The following TNS3 variants were observed in gnomAD, a reference collection of about 807,000 sequenced individuals.
TNS3 encodes the protein tensin 3, also known as tensin-3.
Under a neutral mutation model 140.9 loss-of-function variants are expected in TNS3, and 45 were observed. The observed-to-expected ratio is 0.32, with a 90% CI of 0.25 to 0.41. The LOEUF is 0.41. Among genes scored for constraint, TNS3 ranks in the 10% least tolerant of loss-of-function variants. The probability of loss-of-function intolerance (pLI) is 1.00; values close to 1 mark genes in which losing one functional copy is unlikely to be tolerated. For synonymous variants in TNS3, 815 were observed against 788.4 expected (o/e 1.03, Z -0.56); for missense variants, 1,716 against 1,906.7 (o/e 0.90, Z 1.86).
At chr7:47,518,360 A>AT (rs1401695365) in intron 2 of TNS3, among the ~76,000 whole-genome samples, 1 of 151,896 alleles carries the variant, frequency 6.6e-6, no homozygotes, top group Admixed American at 6.6e-5. Context: ...GCTCTTATCT[A>AT]TTTGCTGTTC....
chr7:47,405,581 T>A (rs1428514194), intron 13 of TNS3: 1 of 702,814 alleles, frequency 1.4e-6, no homozygotes, highest in Non-Finnish European at 2.6e-6. Context: ...GAAAGGTGGG[T>A]AAATATTGGC....
chr7:47,529,508 T>G (rs903843632), intron 1 of TNS3, among the ~76,000 whole-genome samples: 1 of 152,246 alleles, frequency 6.6e-6, no homozygotes, highest in Non-Finnish European at 1.5e-5. Context: ...GTAATCCACA[T>G]ACACTTCTAG....
intron 16 of TNS3, 182 bp downstream of exon 16, chr7:47,396,618 T>G (rs1792845641): frequency 1.6e-6 from 1 of 617,416 alleles, no homozygotes; most frequent in Admixed American, 2.7e-5. Flanking sequence ...TCACCATGCC[T>G]TATTCTCACG....
chr7:47,509,974 G>A (rs1159644687), intron 2 of TNS3, among the ~76,000 whole-genome samples: 1 of 152,228 alleles, frequency 6.6e-6, no homozygotes, highest in Non-Finnish European at 1.5e-5. Flanking sequence ...ACTAACACGA[G>A]TAACAGGCAG....
intron 2 of TNS3, among the ~76,000 whole-genome samples, chr7:47,524,808 CAAGAAAAAAAAAAAA>C (rs1294324177): frequency 2.0e-4 from 5 of 25,266 alleles, no homozygotes; most frequent in Non-Finnish European, 2.9e-4. Context: ...GACTCCGTCT[CAAGAAAAAAAAAAAA>C]AAAAAAAAAA....
intron 1 of TNS3, among the ~76,000 whole-genome samples, chr7:47,550,467 C>G (rs1800031835): frequency 6.6e-6 from 1 of 152,210 alleles, no homozygotes; most frequent in Non-Finnish European, 1.5e-5. Context: ...CCTTCCCAAC[C>G]TCATGTAAGC....
intron 16 of TNS3, among the ~76,000 whole-genome samples, chr7:47,391,480 C>T (rs1322847665): frequency 6.6e-6 from 1 of 152,142 alleles, no homozygotes; most frequent in African/African-American, 2.4e-5. Context: ...CATCCAATTA[C>T]AACAGGCCAC....
At position 47,352,840 on chromosome 7, in the gene TNS3, C is replaced by T. The variant is rs115716953; in HGVS notation, c.2282-6484G>A. Among the ~76,000 whole-genome samples, 370 of 152,284 alleles carry T rather than the reference C, an allele frequency of 2.4e-3. 1 individual carries two copies. Among genetic ancestry groups the T allele is most frequent in the African/African-American group, 8.5e-3 (353 of 41,568 alleles). On this transcript the variant is annotated intron_variant, in intron 17 of 30. Coordinates refer to ENST00000311160, the MANE Select transcript of TNS3 (RefSeq NM_022748.12). ...GTGACTCCATGGCAGTGGTGACTTGCGCTGGGTCTCGAGTGTGCACACAGA... is the reference window on the plus strand; with the variant it reads ...GTGACTCCATGGCAGTGGTGACTTGTGCTGGGTCTCGAGTGTGCACACAGA...
intron 3 of TNS3, among the ~76,000 whole-genome samples, chr7:47,504,056 A>AGAAAG (rs1169224952): frequency 6.6e-6 from 1 of 152,172 alleles, no homozygotes; most frequent in Non-Finnish European, 1.5e-5. Flanking sequence ...TCAAGACCAT[A>AGAAAG]GCAAGGGGGA....
chr7:47,411,852 G>T, intron 12 of TNS3, 50 bp from the exon 13 acceptor site: 2 of 1,570,754 alleles, frequency 1.3e-6, no homozygotes, highest in Non-Finnish European at 1.7e-6. Flanking sequence ...ATGATTTTGT[G>T]GGAAGAATAC....
Position 47,344,962 on chromosome 7 carries a change from G to A in TNS3, c.2528C>T (p.Ser843Leu), listed in dbSNP as rs1789246046. The change falls in exon 19 of 31, where the codon TCA becomes TTA. Residue 843 changes from serine (S) to leucine (L), a missense_variant. Physicochemically the swap from Ser to Leu is moderately radical, Grantham distance 145 (BLOSUM62 -2). Around this residue, in one of 3 missense-constraint regions of TNS3, gnomAD observed 1,163 missense variants for 1,182.1 expected, o/e 0.98. Coordinates refer to ENST00000311160, the MANE Select transcript of TNS3 (RefSeq NM_022748.12). ...TGGAGACACAGGAAATGCTGGAGTT[G>A]AACACATGGACTCCTTGCTACTTAA... ...RILSSKESMC[S>L]TPAFPVSPET... 1.2e-6 allele frequency: 2 copies of A among 1,614,204 alleles called. No homozygotes were observed. Among genetic ancestry groups the A allele is most frequent in the East Asian group, 2.2e-5 (1 of 44,886 alleles).
chr7:47,283,788 T>G lies in TNS3; in HGVS notation c.4006A>C (p.Ile1336Leu). Residue 1336 changes from isoleucine to leucine, a missense_variant, in exon 28 of 31, where the codon ATC (isoleucine) becomes CTC (leucine). This residue lies in a region of TNS3 where 216 missense variants were observed against 295.7 expected (regional missense o/e 0.73). Transcript: ENST00000311160. ...GGTGGAGGCTCCTGGACCAGGGTGA[T>G]GCTCAGGGCCTTCTGGATCGCCTGG... ...GHQAIQKALS[I>L]TLVQEPPPVS... The G allele has an allele frequency of 6.2e-7, 1 of 1,612,774 alleles. No individual in the cohort carries two copies. The highest frequency in any genetic ancestry group is 1.1e-5 in the South Asian group (1 of 90,862).
chr7:47,474,895 AAC>A lies in TNS3; in HGVS notation c.-76+6206_-76+6207del, dbSNP rs201425474. On this transcript the variant is annotated intron_variant, in intron 4 of 30. Transcript: ENST00000311160. ...ACTTCACACACAACACACACACCGC[AAC>A]ACACACAAAAAAAAACACCTCACAC... Among the ~76,000 whole-genome samples, 21 of 148,394 alleles carry A rather than the reference AAC, an allele frequency of 1.4e-4. 1 individual carries two copies. The highest frequency in any genetic ancestry group is 4.5e-4 in the African/African-American group (18 of 40,142).
In TNS3 at chr7:47,303,670, C is replaced by T. The variant is rs141919280; in HGVS notation, c.2823-86G>A. 1.9e-4 allele frequency: 272 copies of T among 1,453,270 alleles called. No homozygotes were observed. In the African/African-American group the frequency reaches 3.6e-3, roughly 19 times the overall value. The allele number at this position is 1,453,270 out of a possible 1,614,324, so 90.0% of individuals were successfully genotyped here. ...AGCAAGCGTCACCCACACGGGAAGACAGGGATGGGGAAGTGGGTGCTGAGG... is the reference window on the plus strand; with the variant it reads ...AGCAAGCGTCACCCACACGGGAAGATAGGGATGGGGAAGTGGGTGCTGAGG... On this transcript the variant is annotated intron_variant, in intron 21 of 30. Transcript: ENST00000311160.
At chr7:47,323,465 G>T (rs1191338384) in intron 20 of TNS3, among the ~76,000 whole-genome samples, 1 of 152,218 alleles carries the variant, frequency 6.6e-6, no homozygotes. Context: ...GTAGGGAATG[G>T]CCAAAGGAAA....
intron 3 of TNS3, among the ~76,000 whole-genome samples, chr7:47,498,548 T>G (rs1450217875): frequency 2.0e-5 from 3 of 152,248 alleles, no homozygotes; most frequent in Non-Finnish European, 4.4e-5. Context: ...AAACTGATGA[T>G]TCAGAGAAAA....
At chr7:47,406,678 T>C (rs932989465) in intron 13 of TNS3, among the ~76,000 whole-genome samples, 1 of 152,106 alleles carries the variant, frequency 6.6e-6, no homozygotes, top group Admixed American at 6.5e-5. Flanking sequence ...GTCTTCAGGG[T>C]GTAAATCTAT....
intron 5 of TNS3, among the ~76,000 whole-genome samples, chr7:47,441,627 G>A (rs752990516): frequency 7.2e-5 from 11 of 152,168 alleles, no homozygotes; most frequent in East Asian, 1.9e-4. Flanking sequence ...CGCTTCCTAC[G>A]GTCATGAGGA....
At chr7:47,580,850 A>C (rs1371687990) in intron 1 of TNS3, among the ~76,000 whole-genome samples, 2 of 152,218 alleles carry the variant, frequency 1.3e-5, no homozygotes, top group African/African-American at 4.8e-5. Context: ...ATGCAATATT[A>C]ATACAATGAG....
Sources: allele counts gnomAD v4.1 joint callset (sites outside exome capture counted in the v4.1 genomes callset), GRCh38; gene constraint gnomAD v4.1.1; regional missense constraint gnomAD v4.1.1; transcripts MANE v1.5; gene names NCBI Gene and HGNC (gene_info 2026-07-23, HGNC 2026-07-21).